TMEM38A: variants seen among roughly 807,000 people sequenced by gnomAD.
TMEM38A encodes the protein transmembrane protein 38A.
In TMEM38A, 17 loss-of-function variants were observed where a neutral mutation model predicts 28.6. That is an observed-to-expected ratio of 0.60 (90% CI 0.41 to 0.89). The LOEUF (loss-of-function observed/expected upper bound fraction) is 0.89, where lower values mean the gene tolerates loss of function less well. TMEM38A is among the 40% of genes least tolerant of loss of function. The probability of loss-of-function intolerance (pLI) is 0.00; values close to 1 mark genes in which losing one functional copy is unlikely to be tolerated. For missense variants in TMEM38A, 328 were observed against 393.1 expected (o/e 0.83, Z 1.40); for synonymous variants, 169 against 166.1 (o/e 1.02, Z -0.14).
chr19:16,678,544 G>A (rs2086763130), intron 1 of TMEM38A, among the ~76,000 whole-genome samples: 2 of 151,694 alleles, frequency 1.3e-5, no homozygotes, highest in African/African-American at 4.8e-5. Context: ...TGGATGGCTT[G>A]AGCCCAGGAG....
Position 16,661,635 on chromosome 19 carries a change from T to A in TMEM38A, c.124+294T>A, listed in dbSNP as rs1283323820. 2.6e-5 allele frequency among the ~76,000 whole-genome samples: 4 copies of A among 151,746 alleles called. No homozygotes were observed. Among genetic ancestry groups the A allele is most frequent in the African/African-American group, 9.7e-5 (4 of 41,270 alleles). The stretch of plus-strand genomic sequence containing the variant: ...TCGGGGCTCCTGGTTGGGTCAGAGC[T>A]GCAGGAACTTGGGCAAGGGGCGCCG... On this transcript the variant is annotated intron_variant, in intron 1 of 5. Coordinates refer to ENST00000187762, the MANE Select transcript of TMEM38A (RefSeq NM_024074.4). This position sits in a 1 kb window ranked among gnomAD's most constrained non-coding sequence, Gnocchi z 6.5.
intron 4 of TMEM38A, 43 bp from the exon 5 acceptor site, chr19:16,686,245 A>G: frequency 6.7e-7 from 1 of 1,487,566 alleles, no homozygotes; most frequent in Non-Finnish European, 9.4e-7. Flanking sequence ...TGAAGACTTG[A>G]GCCATGCAGG....
chr19:16,661,616 C>A lies in TMEM38A; in HGVS notation c.124+275C>A, dbSNP rs756677823. The stretch of plus-strand genomic sequence containing the variant: ...GGGGAACAGGTGCTTGGGGTCGGGG[C>A]TCCTGGTTGGGTCAGAGCTGCAGGA... On this transcript the variant is annotated intron_variant, in intron 1 of 5. Transcript: ENST00000187762. This position sits in a 1 kb window ranked among gnomAD's most constrained non-coding sequence, Gnocchi z 6.5. 1.1e-4 allele frequency among the ~76,000 whole-genome samples: 17 copies of A among 151,940 alleles called. No homozygotes were observed. The highest frequency in any genetic ancestry group is 2.1e-4 in the Non-Finnish European group (14 of 67,984).
intron 1 of TMEM38A, among the ~76,000 whole-genome samples, chr19:16,668,141 G>A (rs758433913): frequency 2.6e-5 from 4 of 152,012 alleles, no homozygotes; most frequent in Non-Finnish European, 5.9e-5. Context: ...CCTGCGAGGC[G>A]GAGGTTGCAG....
Position 16,671,201 on chromosome 19 carries a change from C to CTTTTTTTTTTT in TMEM38A, c.125-8771_125-8761dup, listed in dbSNP as rs34550977. 5.4e-3 allele frequency among the ~76,000 whole-genome samples: 460 copies of CTTTTTTTTTTT among 84,856 alleles called. 50 individuals carry two copies. The highest frequency in any genetic ancestry group is 0.028 in the African/African-American group (430 of 15,122). The allele number at this position is 84,856 out of a possible 152,430, so 55.7% of individuals were successfully genotyped here. The stretch of plus-strand genomic sequence containing the variant: ...GTATGGAAAGGGGAAAGGACCTGGG[C>CTTTTTTTTTTT]TTTTTTTTTTTTTTTTTTTTTTGAG... On this transcript the variant is annotated intron_variant, in intron 1 of 5. Coordinates refer to ENST00000187762, the MANE Select transcript of TMEM38A (RefSeq NM_024074.4).
At chr19:16,664,329 A>G (rs1351278144) in intron 1 of TMEM38A, among the ~76,000 whole-genome samples, 1 of 152,162 alleles carries the variant, frequency 6.6e-6, no homozygotes, top group Admixed American at 6.6e-5. Context: ...AGACATGAGA[A>G]TAGCTTGAAT....
chr19:16,661,320 C>T lies in TMEM38A; in HGVS notation c.103C>T (p.Leu35Phe). 1 of 1,595,650 alleles carries T rather than the reference C, an allele frequency of 6.3e-7. No individual in the cohort carries two copies. Among genetic ancestry groups the T allele is most frequent in the Non-Finnish European group, 8.5e-7 (1 of 1,171,486 alleles). ...CCTCAGTTACTTCATCGTCTCCATC[C>T]TCTACCTCAAGTATGAGCCAGGTGA... ...FDLSYFIVSI[L>F]YLKYEPGAVE... is the part of the protein sequence containing the mutation. The change falls in exon 1 of 6, where the codon CTC becomes TTC. Residue 35 changes from leucine to phenylalanine, a missense_variant. Transcript: ENST00000187762. The surrounding 1 kb of genome is among the most constrained non-coding windows in gnomAD (Gnocchi z 6.5).
chr19:16,670,073 G>A (rs990908265), intron 1 of TMEM38A, among the ~76,000 whole-genome samples: 9 of 151,718 alleles, frequency 5.9e-5, no homozygotes, highest in Admixed American at 2.0e-4. Flanking sequence ...GGGTTCAAGC[G>A]ATTCTCCTGC....
chr19:16,688,079 T>A, intron 5 of TMEM38A, 65 bp from the exon 6 acceptor site: 5 of 1,177,840 alleles, frequency 4.2e-6, no homozygotes, highest in Non-Finnish European at 5.7e-6. Context: ...TGCCCTCCAC[T>A]CCTTTGCTTT....
chr19:16,667,473 G>C (rs1288707108), intron 1 of TMEM38A, among the ~76,000 whole-genome samples: 1 of 152,096 alleles, frequency 6.6e-6, no homozygotes, highest in Non-Finnish European at 1.5e-5. Context: ...GACAATCCTG[G>C]TTGCCTTGAG....
intron 1 of TMEM38A, among the ~76,000 whole-genome samples, chr19:16,678,393 C>T (rs913974934): frequency 8.0e-6 from 1 of 125,130 alleles, no homozygotes; most frequent in Non-Finnish European, 1.7e-5. Context: ...CGCGCCACCG[C>T]GCTCCAGCCT....
intron 1 of TMEM38A, among the ~76,000 whole-genome samples, chr19:16,668,716 T>TTCA (rs1027214108): frequency 1.4e-4 from 22 of 152,124 alleles, no homozygotes; most frequent in Non-Finnish European, 2.4e-4. Context: ...TCATGCAGTA[T>TTCA]GTACCCCTTT....
chr19:16,662,783 T>G (rs1486045042), intron 1 of TMEM38A, among the ~76,000 whole-genome samples: 1 of 151,862 alleles, frequency 6.6e-6, no homozygotes, highest in East Asian at 1.9e-4. Context: ...AGGATTACAC[T>G]CTATTTGCTA....
At chr19:16,671,316 C>G (rs771464305) in intron 1 of TMEM38A, among the ~76,000 whole-genome samples, 4 of 150,490 alleles carry the variant, frequency 2.7e-5, no homozygotes, top group Non-Finnish European at 5.9e-5. Flanking sequence ...AGCAATTCTG[C>G]CTCAGCCTCC....
intron 1 of TMEM38A, among the ~76,000 whole-genome samples, chr19:16,674,816 CA>C (rs201288937): frequency 6.6e-6 from 1 of 150,458 alleles, no homozygotes; most frequent in Non-Finnish European, 1.5e-5. Context: ...ACAACAACAA[CA>C]AAAAAAAACC....
rs781259844 is a variant in TMEM38A at position 16,686,266 on chromosome 19, T to G, written c.555-22T>G. On this transcript the variant is annotated intron_variant, in intron 4 of 5. Coordinates refer to ENST00000187762, the MANE Select transcript of TMEM38A (RefSeq NM_024074.4). ...CTTGAGCCATGCAGGCACCTCCCGG[T>G]AATGACAGCTGCTCCCTCCAGCCCC... 2.5e-6 allele frequency: 4 copies of G among 1,598,590 alleles called. No individual in the cohort carries two copies. In the East Asian group the frequency reaches 8.9e-5, roughly 36 times the overall value.
At chr19:16,662,484 C>T (rs993267147) in intron 1 of TMEM38A, among the ~76,000 whole-genome samples, 5 of 99,772 alleles carry the variant, frequency 5.0e-5, no homozygotes, top group Admixed American at 1.6e-4. Flanking sequence ...GATGGAGTTT[C>T]GCTCTGTCGC....
chr19:16,667,584 TG>T (rs1411087285), intron 1 of TMEM38A, among the ~76,000 whole-genome samples: 1 of 151,980 alleles, frequency 6.6e-6, no homozygotes, highest in Non-Finnish European at 1.5e-5. Flanking sequence ...GGGCCAGACG[TG>T]GTGGCTCATG....
Position 16,682,421 on chromosome 19 carries a change from G to A in TMEM38A, c.467G>A (p.Gly156Asp), listed in dbSNP as rs1329931560. The A allele has an allele frequency of 1.2e-6, 2 of 1,613,974 alleles. No individual in the cohort carries two copies. The highest frequency in any genetic ancestry group is 1.7e-5 in the Admixed American group (1 of 59,982). ...FVMIATGWVK[G>D]SGVALMSNFE... ...TGTTCAGAAGCACCCTGTCCTGTAGGTTCTGGTGTCGCCCTCATGTCCAAC... is the reference window on the plus strand; with the variant it reads ...TGTTCAGAAGCACCCTGTCCTGTAGATTCTGGTGTCGCCCTCATGTCCAAC... Residue 156 changes from glycine (G) to aspartate (D), a missense_variant and splice_region_variant, in exon 4 of 6, where the codon GGT becomes GAT. Coordinates refer to ENST00000187762, the MANE Select transcript of TMEM38A (RefSeq NM_024074.4).
Sources: allele counts gnomAD v4.1 joint callset (sites outside exome capture counted in the v4.1 genomes callset), GRCh38; gene constraint gnomAD v4.1.1; non-coding constraint Gnocchi (gnomAD v3.1); transcripts MANE v1.5; gene names NCBI Gene and HGNC (gene_info 2026-07-23, HGNC 2026-07-21).